Variants in LDLRAD3 observed in about 807,000 individuals in gnomAD.
The protein encoded by LDLRAD3 is low-density lipoprotein receptor class A domain-containing protein 3.
A neutral mutation model predicts 29.4 loss-of-function variants in LDLRAD3; 20 were observed. The observed-to-expected ratio is 0.68, with a 90% CI of 0.48 to 0.99. The LOEUF is 0.99. Among genes scored for constraint, LDLRAD3 ranks in the 50% least tolerant of loss-of-function variants. The pLI is 0.00. For synonymous variants in LDLRAD3, 157 were observed against 192.7 expected, an observed-to-expected ratio of 0.81 and a Z score of 1.53; for missense variants, 420 against 454.3, an observed-to-expected ratio of 0.92 and a Z score of 0.69.
At chr11:35,996,079 A>C (rs116829389) in intron 1 of LDLRAD3, among the ~76,000 whole-genome samples, 1 of 152,212 alleles carries the variant, frequency 6.6e-6, no homozygotes, top group Non-Finnish European at 1.5e-5. Context: ...CTTTGCATTC[A>C]TAATTTGGCT....
intron 3 of LDLRAD3, among the ~76,000 whole-genome samples, chr11:36,094,574 C>T (rs1024150084): frequency 2.0e-5 from 3 of 152,170 alleles, no homozygotes; most frequent in Non-Finnish European, 4.4e-5. Context: ...CTCGCTCTGT[C>T]ACCCCGGCTG....
intron 2 of LDLRAD3, among the ~76,000 whole-genome samples, chr11:36,043,866 A>G (rs1852413473): frequency 6.6e-6 from 1 of 152,216 alleles, no homozygotes; most frequent in Non-Finnish European, 1.5e-5. Flanking sequence ...ATCGTGGTTT[A>G]AAGCTCTGTC....
chr11:36,074,268 C>G (rs893917880), intron 2 of LDLRAD3, among the ~76,000 whole-genome samples: 8 of 152,130 alleles, frequency 5.3e-5, no homozygotes, highest in African/African-American at 9.7e-5. Flanking sequence ...CAGCTTAATA[C>G]AAAACTGGGG....
intron 4 of LDLRAD3, among the ~76,000 whole-genome samples, chr11:36,107,894 A>C (rs555303252): frequency 2.0e-5 from 3 of 152,360 alleles, no homozygotes; most frequent in East Asian, 3.9e-4. Context: ...CCAGGAGACA[A>C]AGGCACGTAC....
intron 4 of LDLRAD3, among the ~76,000 whole-genome samples, chr11:36,140,265 C>A (rs536349226): frequency 1.3e-3 from 198 of 152,314 alleles, no homozygotes; most frequent in Non-Finnish European, 1.9e-3. Flanking sequence ...GCAAAGTAAA[C>A]CAAAATGGCA....
intron 4 of LDLRAD3, among the ~76,000 whole-genome samples, chr11:36,132,487 A>C (rs895104972): frequency 6.6e-6 from 1 of 152,206 alleles, no homozygotes; most frequent in African/African-American, 2.4e-5. Context: ...GTTAAATCAC[A>C]CAACAACCCA....
chr11:36,041,000 CTGAGT>C (rs541303440), intron 2 of LDLRAD3, among the ~76,000 whole-genome samples: 24 of 152,204 alleles, frequency 1.6e-4, no homozygotes, highest in Admixed American at 1.2e-3. Context: ...TAATTTCCAG[CTGAGT>C]TAAGACATTA....
intron 2 of LDLRAD3, among the ~76,000 whole-genome samples, chr11:36,048,653 C>T (rs968258267): frequency 6.6e-6 from 1 of 152,184 alleles, no homozygotes; most frequent in Non-Finnish European, 1.5e-5. Context: ...TTAGTTAAGT[C>T]TCCTGTCACA....
chr11:35,967,219 C>G (rs1851353287), intron 1 of LDLRAD3: 1 of 207,512 alleles, frequency 4.8e-6, no homozygotes, highest in Non-Finnish European at 1.0e-5. Flanking sequence ...TCAGCTGCTG[C>G]TAGAGCTCTT....
At chr11:36,191,580 A>C (rs59336740) in intron 4 of LDLRAD3, among the ~76,000 whole-genome samples, 7,253 of 62,630 alleles carry the variant, frequency 0.12, 233 homozygotes, top group African/African-American at 0.13. Flanking sequence ...CTCTCTCTAT[A>C]TATATATATA....
At chr11:36,201,533 C>T (rs902805476) in intron 4 of LDLRAD3, among the ~76,000 whole-genome samples, 41 of 152,198 alleles carry the variant, frequency 2.7e-4, no homozygotes, top group African/African-American at 9.2e-4. Flanking sequence ...AACTAACTTG[C>T]AATTAATTTC....
chr11:36,133,880 T>C (rs1315267534), intron 4 of LDLRAD3, among the ~76,000 whole-genome samples: 3 of 151,888 alleles, frequency 2.0e-5, no homozygotes, highest in Non-Finnish European at 4.4e-5. Flanking sequence ...TCTGCTTGGG[T>C]GTGGGTTCTT....
chr11:36,002,167 G>A (rs1851833238), intron 1 of LDLRAD3, among the ~76,000 whole-genome samples: 1 of 152,190 alleles, frequency 6.6e-6, no homozygotes, highest in Non-Finnish European at 1.5e-5. Context: ...CTGCTTTTGG[G>A]CTTTGTGTTG....
At chr11:36,050,013 G>C (rs1852505604) in intron 2 of LDLRAD3, among the ~76,000 whole-genome samples, 1 of 152,182 alleles carries the variant, frequency 6.6e-6, no homozygotes, top group Non-Finnish European at 1.5e-5. Flanking sequence ...GATGTTTACT[G>C]ACCTCTGAGA....
At chr11:36,089,407 T>G (rs899184924) in intron 3 of LDLRAD3, among the ~76,000 whole-genome samples, 12 of 150,522 alleles carry the variant, frequency 8.0e-5, no homozygotes, top group Non-Finnish European at 1.3e-4. Context: ...TTTTAACTAT[T>G]ATATGAATGT....
At chr11:36,211,393 G>A (rs1367594541) in intron 4 of LDLRAD3, among the ~76,000 whole-genome samples, 1 of 152,172 alleles carries the variant, frequency 6.6e-6, no homozygotes, top group African/African-American at 2.4e-5. Flanking sequence ...TGCTTGGTGG[G>A]AATATAAAGC....
At chr11:36,093,391 A>G (rs1025202024) in intron 3 of LDLRAD3, among the ~76,000 whole-genome samples, 12 of 151,928 alleles carry the variant, frequency 7.9e-5, no homozygotes, top group Admixed American at 5.2e-4. Flanking sequence ...AGAGGCATCC[A>G]TTGCTCTGGA....
intron 4 of LDLRAD3, among the ~76,000 whole-genome samples, chr11:36,136,100 A>C (rs1349008120): frequency 6.6e-6 from 1 of 152,188 alleles, no homozygotes; most frequent in Non-Finnish European, 1.5e-5. Flanking sequence ...AACCCAGTTC[A>C]TCTGTGCACA....
At chr11:36,223,435 A>C (rs1342502018) in intron 4 of LDLRAD3, among the ~76,000 whole-genome samples, 3 of 152,182 alleles carry the variant, frequency 2.0e-5, no homozygotes, top group Non-Finnish European at 4.4e-5. Flanking sequence ...CCTTTAAGAA[A>C]TACATTTCAC....
Sources: allele counts gnomAD v4.1 joint callset (sites outside exome capture counted in the v4.1 genomes callset), GRCh38; gene constraint gnomAD v4.1.1; transcripts MANE v1.5; gene names NCBI Gene and HGNC (gene_info 2026-07-23, HGNC 2026-07-21).